AP3B1: variants seen among roughly 807,000 people sequenced by gnomAD.
AP3B1 encodes adaptor related protein complex 3 subunit beta 1, also known as AP-3 complex subunit beta-1.
AP3B1 carries 61 observed loss-of-function variants against 132.5 expected under a neutral mutation model. The observed-to-expected ratio is 0.46, with a 90% confidence interval of 0.37 to 0.57. The LOEUF (loss-of-function observed/expected upper bound fraction) is 0.57, where lower values mean the gene tolerates loss of function less well. AP3B1 is among the 20% of genes least tolerant of loss of function. The probability of loss-of-function intolerance (pLI) is 0.00; values close to 1 mark genes in which losing one functional copy is unlikely to be tolerated. For synonymous variants in AP3B1, 388 were observed against 438.3 expected (o/e 0.89, Z 1.43); for missense variants, 1,120 against 1,289.4 (o/e 0.87, Z 2.01).
chr5:78,098,043 G>A (rs56680716), intron 21 of AP3B1, among the ~76,000 whole-genome samples: 25,763 of 146,862 alleles, frequency 0.18, 2,355 homozygotes, highest in Admixed American at 0.26. Context: ...GATTAAGGGC[G>A]GTGCAAGATG....
At chr5:78,043,824 AC>A in intron 22 of AP3B1, 2 of 368,362 alleles carry the variant, frequency 5.4e-6, no homozygotes, top group South Asian at 2.5e-5. Context: ...ATCCTTTAGT[AC>A]CAGGGAATAC....
intron 21 of AP3B1, among the ~76,000 whole-genome samples, chr5:78,096,743 C>A (rs1319392226): frequency 5.3e-5 from 8 of 151,932 alleles, no homozygotes; most frequent in African/African-American, 1.4e-4. Context: ...GGCAACTGCC[C>A]CGTCTGAGAA....
intron 7 of AP3B1, among the ~76,000 whole-genome samples, chr5:78,190,472 T>C (rs1480857685): frequency 1.3e-5 from 2 of 152,158 alleles, no homozygotes; most frequent in Non-Finnish European, 1.5e-5. Flanking sequence ...CAACAACATA[T>C]TTGAATCTGT....
intron 24 of AP3B1, among the ~76,000 whole-genome samples, chr5:78,031,903 TC>T (rs1747593468): frequency 3.3e-5 from 5 of 152,336 alleles, no homozygotes; most frequent in African/African-American, 1.2e-4. Context: ...TGCTCAGTTC[TC>T]TAACTAGCAC....
intron 7 of AP3B1, among the ~76,000 whole-genome samples, chr5:78,186,141 T>C (rs908192243): frequency 2.0e-5 from 3 of 152,146 alleles, no homozygotes; most frequent in African/African-American, 7.2e-5. Flanking sequence ...ATGTGCTGCC[T>C]ATAAGAAATT....
chr5:78,046,229 G>A (rs1452706039), intron 22 of AP3B1, among the ~76,000 whole-genome samples: 3 of 152,200 alleles, frequency 2.0e-5, no homozygotes, highest in Non-Finnish European at 4.4e-5. Flanking sequence ...AGTGGCTGAT[G>A]AGAGCAAGCA....
intron 13 of AP3B1, among the ~76,000 whole-genome samples, chr5:78,161,988 C>T (rs990439455): frequency 6.6e-6 from 1 of 151,798 alleles, no homozygotes; most frequent in Admixed American, 6.6e-5. Context: ...CATATATGCC[C>T]ATATCTAGAC....
chr5:78,171,791 G>A (rs1743929698), intron 11 of AP3B1, among the ~76,000 whole-genome samples: 2 of 152,200 alleles, frequency 1.3e-5, no homozygotes. Flanking sequence ...TAGGAGTGGT[G>A]AGAGAGGGCA....
Position 78,015,406 on chromosome 5 carries a change from C to G in AP3B1, c.3131+4G>C. 1 of 1,613,500 alleles carries G rather than the reference C, an allele frequency of 6.2e-7. No homozygotes were observed. Among genetic ancestry groups the G allele is most frequent in the Non-Finnish European group, 8.5e-7 (1 of 1,179,650 alleles). On this transcript the variant is annotated splice_donor_region_variant and intron_variant, in intron 26 of 26. Coordinates refer to ENST00000255194, the MANE Select transcript of AP3B1 (RefSeq NM_003664.5). ...ACCTCCACATCGTGTGTTAGTGAAC[C>G]TACCTGTGTATATTATCCTGGCCAG...
intron 20 of AP3B1, among the ~76,000 whole-genome samples, chr5:78,105,513 G>A (rs1751296512): frequency 6.6e-6 from 1 of 151,740 alleles, no homozygotes; most frequent in Admixed American, 6.6e-5. Context: ...GACACAATGT[G>A]GTCTACATCA....
At chr5:78,023,066 T>C (rs1387057093) in intron 24 of AP3B1, among the ~76,000 whole-genome samples, 1 of 152,192 alleles carries the variant, frequency 6.6e-6, no homozygotes, top group Admixed American at 6.5e-5. Context: ...AGATGGAATA[T>C]TTTATGGATA....
In AP3B1 at chr5:78,089,432, A is replaced by G. The variant is rs755459496; in HGVS notation, c.2538T>C (p.Leu846=). 4.3e-6 allele frequency: 7 copies of G among 1,613,256 alleles called. No individual in the cohort carries two copies. Among genetic ancestry groups the G allele is most frequent in the Non-Finnish European group, 5.9e-6 (7 of 1,179,412 alleles). ...PALSPSLMAD[L]EGLHLSTSSS... ...AGGAAGTTGACAAGTGTAAACCTTC[A>G]AGATCAGCCATCAAACTTGGAGAAA... Residue 846 remains leucine (L), a synonymous_variant, in exon 22 of 27, where the codon CTT becomes CTC. Transcript: ENST00000255194.
rs70997973 is a variant in AP3B1 at position 78,229,575 on chromosome 5, C to CAAAAAAA, written c.280-1343_280-1337dup. Among the ~76,000 whole-genome samples the CAAAAAAA allele has an allele frequency of 2.5e-3, 331 of 134,334 alleles. 7 individuals carry two copies. The highest frequency in any genetic ancestry group is 6.9e-3 in the African/African-American group (249 of 35,876). 88.1% of individuals were successfully genotyped at this position (134,334 alleles called of 152,430 possible). ...TGGTGAAATCCCATTTCTAGTAAAA[C>CAAAAAAA]AAAAAAAAAAAAAATTAGCCAGGCA... On this transcript the variant is annotated intron_variant, in intron 3 of 26. Coordinates refer to ENST00000255194, the MANE Select transcript of AP3B1 (RefSeq NM_003664.5).
intron 1 of AP3B1, among the ~76,000 whole-genome samples, chr5:78,290,783 T>C (rs2112599921): frequency 6.6e-6 from 1 of 152,084 alleles, no homozygotes; most frequent in Middle Eastern, 3.4e-3. Context: ...ACCCCATCTC[T>C]ACAATAAATA....
intron 15 of AP3B1, among the ~76,000 whole-genome samples, chr5:78,138,271 G>A (rs892345008): frequency 2.0e-5 from 3 of 152,064 alleles, no homozygotes; most frequent in African/African-American, 7.2e-5. Flanking sequence ...TTCAAGACCA[G>A]CCTGGCCAAC....
At chr5:78,085,387 A>G (rs1750197034) in intron 22 of AP3B1, among the ~76,000 whole-genome samples, 1 of 152,176 alleles carries the variant, frequency 6.6e-6, no homozygotes, top group Non-Finnish European at 1.5e-5. Context: ...CCACTTTTAA[A>G]AATATTTTAT....
chr5:78,221,856 T>C (rs1282705336), intron 6 of AP3B1, among the ~76,000 whole-genome samples: 2 of 152,110 alleles, frequency 1.3e-5, no homozygotes, highest in African/African-American at 2.4e-5. Flanking sequence ...GGCAAAACAA[T>C]TGACCCATAT....
At chr5:78,260,947 C>T (rs1748064602) in intron 2 of AP3B1, among the ~76,000 whole-genome samples, 2 of 152,200 alleles carry the variant, frequency 1.3e-5, no homozygotes, top group East Asian at 3.8e-4. Flanking sequence ...ATCAGAATTC[C>T]ATTCCTTCTT....
intron 20 of AP3B1, 59 bp downstream of exon 20, chr5:78,110,148 C>G: frequency 6.9e-7 from 1 of 1,448,900 alleles, no homozygotes; most frequent in Non-Finnish European, 9.5e-7. Context: ...ATGGTGTTGT[C>G]TATTTTAGTT....
Sources: gnomAD v4.1 joint callset for allele counts (sites outside exome capture counted in the v4.1 genomes callset) on GRCh38, gnomAD v4.1.1 for gene constraint, MANE v1.5 for transcripts, NCBI Gene and HGNC (gene_info 2026-07-23, HGNC 2026-07-21) for gene names.